Variants in TDRD12 observed in about 807,000 individuals in gnomAD.
TDRD12 encodes putative ATP-dependent RNA helicase TDRD12.
A neutral mutation model predicts 133.5 loss-of-function variants in TDRD12; 158 were observed. The ratio of observed to expected loss-of-function variants is 1.18; its 90% CI spans 1.04 to 1.35. TDRD12 has a LOEUF of 1.35. TDRD12 is among the 40% of genes most tolerant of loss of function. The pLI is 0.00. For missense variants in TDRD12, 1,443 were observed against 1,321.3 expected, an observed-to-expected ratio of 1.09 and a Z score of -1.43; for synonymous variants, 460 against 477.9, an observed-to-expected ratio of 0.96 and a Z score of 0.49.
intron 10 of TDRD12, among the ~76,000 whole-genome samples, chr19:32,775,063 T>C (rs1970542478): frequency 6.6e-6 from 1 of 152,180 alleles, no homozygotes; most frequent in African/African-American, 2.4e-5. Context: ...ATGTTCTTTG[T>C]TTGTAGCTTT....
exon 4 of TDRD12, chr19:32,742,799 A>T: frequency 3.2e-6 from 5 of 1,551,760 alleles, no homozygotes; most frequent in Non-Finnish European, 4.4e-6. Context: ...TTGTAGTAGA[A>T]TCGTTTATGC....
At chr19:32,806,577 A>G (rs1241680477) in intron 21 of TDRD12, among the ~76,000 whole-genome samples, 1 of 151,282 alleles carries the variant, frequency 6.6e-6, no homozygotes, top group Non-Finnish European at 1.5e-5. Context: ...CCTCACCTCA[A>G]GTGATCCGCC....
chr19:32,789,878 T>G (rs1239520068), intron 11 of TDRD12, among the ~76,000 whole-genome samples: 1 of 152,110 alleles, frequency 6.6e-6, no homozygotes, highest in African/African-American at 2.4e-5. Context: ...GGTGGATGCC[T>G]GTAGTCCCAG....
At chr19:32,731,462 T>A (rs1485414554) in intron 1 of TDRD12, among the ~76,000 whole-genome samples, 1 of 152,168 alleles carries the variant, frequency 6.6e-6, no homozygotes, top group Non-Finnish European at 1.5e-5. Context: ...ACCTTGTGTT[T>A]GTATATTACT....
At chr19:32,783,623 G>T (rs1258163495) in intron 11 of TDRD12, among the ~76,000 whole-genome samples, 2 of 152,098 alleles carry the variant, frequency 1.3e-5, no homozygotes, top group African/African-American at 4.8e-5. Context: ...ATTTGTTTGT[G>T]TCCTCTCTTA....
At chr19:32,731,478 T>G (rs1332332019) in intron 1 of TDRD12, among the ~76,000 whole-genome samples, 1 of 152,114 alleles carries the variant, frequency 6.6e-6, no homozygotes, top group Non-Finnish European at 1.5e-5. Flanking sequence ...TTACTATGGA[T>G]TTTTCAGAAT....
chr19:32,744,991 C>G (rs765007829), intron 4 of TDRD12, among the ~76,000 whole-genome samples: 1 of 151,856 alleles, frequency 6.6e-6, no homozygotes, highest in Non-Finnish European at 1.5e-5. Flanking sequence ...ATCACTCTTG[C>G]GGCTGGCGTG....
At chr19:32,790,792 C>T (rs775863310) in intron 12 of TDRD12, 172 bp from the exon 13 acceptor site, 26 of 1,480,844 alleles carry the variant, frequency 1.8e-5, no homozygotes, top group Admixed American at 2.6e-5. Flanking sequence ...GGATAATAAA[C>T]GATCTTCCTT....
intron 13 of TDRD12, among the ~76,000 whole-genome samples, chr19:32,792,333 G>C (rs1303895575): frequency 1.3e-5 from 2 of 152,066 alleles, no homozygotes; most frequent in African/African-American, 4.8e-5. Flanking sequence ...TCCCCAGAGA[G>C]AATAAATATC....
chr19:32,818,020 A>T, intron 26 of TDRD12, 69 bp from the exon 27 acceptor site: 1 of 700,964 alleles, frequency 1.4e-6, no homozygotes, highest in Non-Finnish European at 2.6e-6. Context: ...TCTGTCCTCT[A>T]CTGTCCCCAG....
exon 10 of TDRD12, chr19:32,829,185 G>A (rs1967680700): frequency 6.6e-6 from 1 of 152,236 alleles, no homozygotes; most frequent in Non-Finnish European, 1.5e-5. Flanking sequence ...GGCGCCCCGT[G>A]CGCACCAGCT....
At chr19:32,794,288 A>G (rs963231153) in intron 13 of TDRD12, among the ~76,000 whole-genome samples, 1 of 151,302 alleles carries the variant, frequency 6.6e-6, no homozygotes, top group Admixed American at 6.6e-5. Context: ...TATTTTTGGT[A>G]GAGATGGGGT....
intron 7 of TDRD12, 148 bp downstream of exon 7, chr19:32,756,329 T>C (rs1008155808): frequency 9.0e-6 from 6 of 669,016 alleles, no homozygotes; most frequent in African/African-American, 3.8e-5. Flanking sequence ...CTGTGACACA[T>C]TGTAAGGTCT....
exon 1 of TDRD12, chr19:32,720,067 A>G: frequency 6.5e-7 from 1 of 1,548,432 alleles, no homozygotes; most frequent in East Asian, 2.4e-5. Flanking sequence ...CTCGGGCGCC[A>G]GGAGGATGCT....
intron 4 of TDRD12, among the ~76,000 whole-genome samples, chr19:32,747,768 G>A (rs1170463967): frequency 6.6e-6 from 1 of 152,136 alleles, no homozygotes; most frequent in East Asian, 1.9e-4. Flanking sequence ...CAGCACTTTG[G>A]GAGGCCAAGG....
intron 26 of TDRD12, among the ~76,000 whole-genome samples, chr19:32,817,402 A>G (rs1967217479): frequency 6.6e-6 from 1 of 151,918 alleles, no homozygotes; most frequent in Non-Finnish European, 1.5e-5. Context: ...GTCTCAGTGT[A>G]AGGTCCTCAA....
chr19:32,745,456 C>G (rs1381557315), intron 4 of TDRD12, among the ~76,000 whole-genome samples: 1 of 152,204 alleles, frequency 6.6e-6, no homozygotes, highest in Non-Finnish European at 1.5e-5. Flanking sequence ...AAAAGACTAG[C>G]AATTTATACT....
intron 8 of TDRD12, among the ~76,000 whole-genome samples, chr19:32,767,092 T>TTTTATTTA (rs138456502): frequency 2.9e-3 from 393 of 137,526 alleles, no homozygotes; most frequent in Non-Finnish European, 4.4e-3. Context: ...TTTTCATGCA[T>TTTTATTTA]TTTATTTATT....
chr19:32,814,846 G>C (rs1356039815), intron 25 of TDRD12, among the ~76,000 whole-genome samples: 1 of 152,110 alleles, frequency 6.6e-6, no homozygotes, highest in African/African-American at 2.4e-5. Flanking sequence ...CTAGGAAGGG[G>C]CCCCAGCCAG....
Sources: allele counts gnomAD v4.1 joint callset (sites outside exome capture counted in the v4.1 genomes callset), GRCh38; gene constraint gnomAD v4.1.1; transcripts MANE v1.5; gene names NCBI Gene and HGNC (gene_info 2026-07-23, HGNC 2026-07-21).